The following PTPRM variants were observed in gnomAD, a reference collection of about 807,000 sequenced individuals.
PTPRM encodes the protein protein tyrosine phosphatase receptor type M.
Under a neutral mutation model 186.7 loss-of-function variants are expected in PTPRM, and 47 were observed. The ratio of observed to expected loss-of-function variants is 0.25; its 90% confidence interval spans 0.20 to 0.32. PTPRM has a LOEUF of 0.32. PTPRM is among the 10% of genes least tolerant of loss of function. PTPRM has a pLI of 1.00. For missense variants in PTPRM, 1,494 were observed against 1,865.0 expected (o/e 0.80, Z 3.66); for synonymous variants, 668 against 674.9 (o/e 0.99, Z 0.16).
chr18:8,050,397 A>G (rs1057050026), intron 7 of PTPRM, among the ~76,000 whole-genome samples: 1 of 152,192 alleles, frequency 6.6e-6, no homozygotes, highest in African/African-American at 2.4e-5. Flanking sequence ...GCGGGGAGTA[A>G]CTAGACTATG....
intron 14 of PTPRM, among the ~76,000 whole-genome samples, chr18:8,219,459 T>A (rs1462015873): frequency 2.5e-5 from 3 of 117,978 alleles, no homozygotes; most frequent in Non-Finnish European, 3.6e-5. Context: ...AGAGCAAGAG[T>A]CCATCTCAAA....
chr18:7,955,302 T>G lies in PTPRM; in HGVS notation c.1020T>G (p.Ile340Met). ...CAGTCGATTCCACGAGCTATAAAATTGGACACCTTGACCCAGATACAGAAT... is the reference window on the plus strand; with the variant it reads ...CAGTCGATTCCACGAGCTATAAAATGGGACACCTTGACCCAGATACAGAAT... ...RQPVDSTSYK[I>M]GHLDPDTEYE... Residue 340 changes from isoleucine to methionine, a missense_variant, in exon 7 of 33, where the codon ATT becomes ATG. This residue lies in a region of PTPRM where 91 missense variants were observed against 169.3 expected (regional missense o/e 0.54). Transcript: ENST00000580170. 1 of 1,614,180 alleles carries G rather than the reference T, an allele frequency of 6.2e-7. No individual in the cohort carries two copies. The highest frequency in any genetic ancestry group is 8.5e-7 in the Non-Finnish European group (1 of 1,180,036).
chr18:8,130,160 G>A (rs1451032855), intron 13 of PTPRM, among the ~76,000 whole-genome samples: 1 of 152,128 alleles, frequency 6.6e-6, no homozygotes, highest in Non-Finnish European at 1.5e-5. Flanking sequence ...CTTGGATTTG[G>A]CGTTCATTTC....
At chr18:8,145,882 G>A (rs1460950636) in intron 14 of PTPRM, among the ~76,000 whole-genome samples, 1 of 152,188 alleles carries the variant, frequency 6.6e-6, no homozygotes, top group East Asian at 1.9e-4. Flanking sequence ...GGTATTTGTA[G>A]TTCTAGGTCC....
At chr18:7,624,200 A>G (rs1287229274) in intron 1 of PTPRM, among the ~76,000 whole-genome samples, 1 of 152,200 alleles carries the variant, frequency 6.6e-6, no homozygotes, top group African/African-American at 2.4e-5. Flanking sequence ...CTTAACTCCC[A>G]GCAACTGCTT....
intron 1 of PTPRM, among the ~76,000 whole-genome samples, chr18:7,769,145 G>A (rs1163933856): frequency 2.0e-5 from 3 of 152,020 alleles, no homozygotes; most frequent in African/African-American, 4.8e-5. Context: ...TCTTCCCAGG[G>A]TTCTGGGAAG....
chr18:8,026,012 C>T (rs1246748234), intron 7 of PTPRM, among the ~76,000 whole-genome samples: 1 of 152,188 alleles, frequency 6.6e-6, no homozygotes, highest in Admixed American at 6.5e-5. Context: ...TCACAAGATT[C>T]ATCAAGACAA....
chr18:7,903,641 A>C (rs2049820762), intron 3 of PTPRM, among the ~76,000 whole-genome samples: 1 of 152,218 alleles, frequency 6.6e-6, no homozygotes, highest in Non-Finnish European at 1.5e-5. Flanking sequence ...TTGTCAGTGG[A>C]AACTATTTAT....
At chr18:8,311,404 G>A (rs1378430145) in intron 20 of PTPRM, among the ~76,000 whole-genome samples, 1 of 152,230 alleles carries the variant, frequency 6.6e-6, no homozygotes, top group African/African-American at 2.4e-5. Context: ...TTAGCATGGG[G>A]AAGAGTTCAA....
At chr18:8,111,461 A>G (rs2091750200) in intron 11 of PTPRM, among the ~76,000 whole-genome samples, 1 of 152,016 alleles carries the variant, frequency 6.6e-6, no homozygotes, top group Admixed American at 6.5e-5. Context: ...TACAAAAACA[A>G]AATTAGCCGG....
chr18:7,621,011 G>A (rs562629098), intron 1 of PTPRM, among the ~76,000 whole-genome samples: 23 of 152,200 alleles, frequency 1.5e-4, no homozygotes, highest in African/African-American at 5.5e-4. Context: ...GTGAGACCCC[G>A]TGTCTACTAA....
At chr18:7,898,972 C>T (rs1415170020) in intron 3 of PTPRM, among the ~76,000 whole-genome samples, 4 of 152,128 alleles carry the variant, frequency 2.6e-5, no homozygotes, top group East Asian at 1.9e-4. Flanking sequence ...TGATCAATAC[C>T]GGATGCCGTA....
At chr18:8,121,532 G>T (rs1205975008) in intron 13 of PTPRM, among the ~76,000 whole-genome samples, 5 of 152,110 alleles carry the variant, frequency 3.3e-5, no homozygotes, top group Admixed American at 6.6e-5. Flanking sequence ...AGCCTGGTCT[G>T]CTTCAAGACT....
At chr18:7,691,607 T>C (rs890669587) in intron 1 of PTPRM, among the ~76,000 whole-genome samples, 7 of 152,120 alleles carry the variant, frequency 4.6e-5, no homozygotes, top group African/African-American at 1.2e-4. Context: ...TAAATAACTT[T>C]AAGAAGTCAG....
At chr18:8,338,756 ATTC>A (rs1436979012) in intron 22 of PTPRM, among the ~76,000 whole-genome samples, 2 of 152,226 alleles carry the variant, frequency 1.3e-5, no homozygotes, top group Non-Finnish European at 2.9e-5. Flanking sequence ...ATTAGGTATT[ATTC>A]TGTTTATGAT....
At chr18:7,825,956 A>C (rs78377130) in intron 2 of PTPRM, among the ~76,000 whole-genome samples, 1 of 152,126 alleles carries the variant, frequency 6.6e-6, no homozygotes, top group East Asian at 1.9e-4. Context: ...AATCCTCACC[A>C]TATTTATTCC....
chr18:7,996,190 AAAAAT>A (rs1269854870), intron 7 of PTPRM, among the ~76,000 whole-genome samples: 2 of 152,086 alleles, frequency 1.3e-5, no homozygotes, highest in African/African-American at 4.8e-5. Context: ...TCTTAAAAAA[AAAAAT>A]AAATAAACAC....
chr18:8,286,956 A>G (rs1016732085), intron 19 of PTPRM, among the ~76,000 whole-genome samples: 8 of 151,362 alleles, frequency 5.3e-5, no homozygotes, highest in African/African-American at 1.9e-4. Context: ...ATTCATTTCC[A>G]AGCCTGTCAT....
intron 1 of PTPRM, among the ~76,000 whole-genome samples, chr18:7,699,612 GT>G (rs1420153676): frequency 1.3e-5 from 2 of 152,020 alleles, no homozygotes; most frequent in Non-Finnish European, 2.9e-5. Flanking sequence ...GCTTCACTAT[GT>G]TGGCCAGGCT....
Sources: allele counts gnomAD v4.1 joint callset (sites outside exome capture counted in the v4.1 genomes callset), GRCh38; gene constraint gnomAD v4.1.1; regional missense constraint gnomAD v4.1.1; transcripts MANE v1.5; gene names NCBI Gene and HGNC (gene_info 2026-07-23, HGNC 2026-07-21).